Variants in YY1 observed in about 807,000 individuals in gnomAD.
YY1 encodes the protein YY1 transcription factor, also known as transcriptional repressor protein YY1.
Under a neutral mutation model 35.6 loss-of-function variants are expected in YY1, and 2 were observed. That is an observed-to-expected ratio of 0.06 (90% CI 0.02 to 0.18). YY1 has a LOEUF of 0.18. Among genes scored for constraint, YY1 ranks in the 10% least tolerant of loss-of-function variants. YY1 has a pLI of 1.00. For synonymous variants in YY1, 268 were observed against 238.9 expected (o/e 1.12, Z -1.12); for missense variants, 322 against 573.4 (o/e 0.56, Z 4.48).
intron 2 of YY1, among the ~76,000 whole-genome samples, chr14:100,273,793 C>T (rs770125238): frequency 6.6e-6 from 1 of 152,110 alleles, no homozygotes; most frequent in Non-Finnish European, 1.5e-5. Context: ...CTTAATTTCT[C>T]ACCCCCCTAC....
intron 2 of YY1, among the ~76,000 whole-genome samples, chr14:100,269,578 G>C (rs1054594637): frequency 6.6e-6 from 1 of 152,120 alleles, no homozygotes; most frequent in Non-Finnish European, 1.5e-5. Flanking sequence ...CTGTTTACTC[G>C]CAAAATGAAA....
intron 2 of YY1, among the ~76,000 whole-genome samples, chr14:100,271,348 C>T (rs1393940995): frequency 6.6e-6 from 1 of 152,094 alleles, no homozygotes; most frequent in Non-Finnish European, 1.5e-5. Flanking sequence ...ACTGATGTAA[C>T]CTCAAGGTGG....
At chr14:100,253,026 G>A (rs981033550) in intron 1 of YY1, among the ~76,000 whole-genome samples, 1 of 152,182 alleles carries the variant, frequency 6.6e-6, no homozygotes, top group East Asian at 1.9e-4. Flanking sequence ...CTGGACAACA[G>A]AGTGAGACCC....
At chr14:100,256,157 T>G (rs572925073) in intron 1 of YY1, among the ~76,000 whole-genome samples, 2 of 151,472 alleles carry the variant, frequency 1.3e-5, no homozygotes, top group Non-Finnish European at 2.9e-5. Flanking sequence ...AAAAAAAACA[T>G]CTATATGCCA....
rs1187009481 is a variant in YY1, at chr14:100,239,358, C to T, written c.114C>T (p.Thr38=). 1 of 1,604,122 alleles carries T rather than the reference C, an allele frequency of 6.2e-7. No individual in the cohort carries two copies. The highest frequency in any genetic ancestry group is 8.5e-7 in the Non-Finnish European group (1 of 1,175,910). ...CCATCCCGGTGGAGACCATCGAGAC[C>T]ACAGTGGTGGGCGAGGAGGAGGAGG... ...VETIPVETIE[T]TVVGEEEEED... is the part of the protein sequence containing the mutation. Residue 38 remains threonine (T), a synonymous_variant, in exon 1 of 5, where the codon ACC becomes ACT. Transcript: ENST00000262238.
intron 1 of YY1, among the ~76,000 whole-genome samples, chr14:100,257,757 C>T (rs970379820): frequency 6.6e-6 from 1 of 152,202 alleles, no homozygotes; most frequent in African/African-American, 2.4e-5. Context: ...GCCACCTAAT[C>T]TATATTTTTG....
At position 100,282,202 on chromosome 14, in the gene YY1, A is replaced by G. The variant is rs1891445936; in HGVS notation, c.*4602A>G. 6.6e-6 allele frequency: 1 copy of G among 152,232 alleles called. No homozygotes were observed. Among genetic ancestry groups the G allele is most frequent in the East Asian group, 1.9e-4 (1 of 5,178 alleles). The allele number at this position is 152,232 out of a possible 1,614,324, so 9.4% of individuals were successfully genotyped here. A position where few individuals can be genotyped will look rare whatever the true frequency, so the allele number is the denominator to read the frequency against. On this transcript the variant is annotated 3_prime_UTR_variant, in exon 5 of 5. Transcript: ENST00000262238. ...TGGATGTCAGAGGAGGGTGCGTGTG[A>G]TGGCGTCACATTCATCTGAAGCACA...
chr14:100,264,487 A>AT (rs1476804425), intron 2 of YY1, among the ~76,000 whole-genome samples: 1 of 152,110 alleles, frequency 6.6e-6, no homozygotes, highest in African/African-American at 2.4e-5. Context: ...TAGAGTTTTG[A>AT]TAGAGATGGA....
At chr14:100,255,343 G>A (rs1167430210) in intron 1 of YY1, among the ~76,000 whole-genome samples, 2 of 152,136 alleles carry the variant, frequency 1.3e-5, no homozygotes, top group African/African-American at 4.8e-5. Context: ...GGAGGGCCGG[G>A]CACGGTGGCT....
At chr14:100,260,639 ATTT>A (rs1322452722) in intron 1 of YY1, among the ~76,000 whole-genome samples, 2 of 150,924 alleles carry the variant, frequency 1.3e-5, no homozygotes, top group African/African-American at 4.9e-5. Flanking sequence ...CGCCTGGCTA[ATTT>A]TTTGTATTTT....
Position 100,239,721 on chromosome 14 carries a change from C to T in YY1, c.477C>T (p.Ser159=). 1.3e-6 allele frequency: 2 copies of T among 1,591,368 alleles called. No individual in the cohort carries two copies. Among genetic ancestry groups the T allele is most frequent in the African/African-American group, 2.7e-5 (2 of 73,644 alleles). ...TCACCGTGGCGGCGGCCGGCAAGAG[C>T]GGCGGCGGCGGCTCGTCGTCGTCGG... ...TLVTVAAAGK[S]GGGGSSSSGG... Residue 159 remains serine (S), a synonymous_variant, in exon 1 of 5, where the codon AGC becomes AGT. Transcript: ENST00000262238.
intron 1 of YY1, among the ~76,000 whole-genome samples, chr14:100,249,434 A>G (rs1890888783): frequency 6.6e-6 from 1 of 151,948 alleles, no homozygotes. Flanking sequence ...TGTGTAAATT[A>G]ATTCCCCTTC....
chr14:100,248,904 G>A (rs937839445), intron 1 of YY1, among the ~76,000 whole-genome samples: 11 of 151,442 alleles, frequency 7.3e-5, no homozygotes, highest in Non-Finnish European at 1.5e-4. Flanking sequence ...AGCCAGGATG[G>A]TCTTGATCTC....
At chr14:100,249,759 TGTTTG>T (rs1397903666) in intron 1 of YY1, among the ~76,000 whole-genome samples, 3 of 55,022 alleles carry the variant, frequency 5.5e-5, no homozygotes, top group Admixed American at 1.8e-4. Flanking sequence ...TTTTTTTTTT[TGTTTG>T]TTTTTGTTTT....
chr14:100,256,833 A>G (rs1308214663), intron 1 of YY1, among the ~76,000 whole-genome samples: 3 of 151,940 alleles, frequency 2.0e-5, no homozygotes, highest in African/African-American at 4.8e-5. Flanking sequence ...TTAAAATGAG[A>G]AGTATTATGG....
At chr14:100,244,239 T>C (rs967379285) in intron 1 of YY1, among the ~76,000 whole-genome samples, 1 of 151,956 alleles carries the variant, frequency 6.6e-6, no homozygotes, top group South Asian at 2.1e-4. Flanking sequence ...GAATGTAATA[T>C]CAGTATAGGA....
chr14:100,241,111 G>A lies in YY1; in HGVS notation c.679+1188G>A, dbSNP rs116841734. On this transcript the variant is annotated intron_variant, in intron 1 of 4. Transcript: ENST00000262238. ...TATTAATTCAATGCTGGTTTTTTAG[G>A]TCAGTATCCTATTAGTATATTCATA... Among the ~76,000 whole-genome samples, 24 of 152,238 alleles carry A rather than the reference G, an allele frequency of 1.6e-4. No homozygotes were observed. In the East Asian group the frequency reaches 4.2e-3, roughly 27 times the overall value.
At position 100,239,660 on chromosome 14, in the gene YY1, C is replaced by T. The variant is rs755802001; in HGVS notation, c.416C>T (p.Ala139Val). 27 of 1,609,366 alleles carry T rather than the reference C, an allele frequency of 1.7e-5. No homozygotes were observed. The highest frequency in any genetic ancestry group is 2.1e-5 in the Non-Finnish European group (25 of 1,179,498). The change falls in exon 1 of 5, where the codon GCC becomes GTC. Residue 139 changes from alanine (A) to valine (V), a missense_variant. Ala to Val is a moderately conservative substitution (Grantham distance 64). This residue lies in a region of YY1 where 152 missense variants were observed against 167.1 expected (regional missense o/e 0.91). Coordinates refer to ENST00000262238, the MANE Select transcript of YY1 (RefSeq NM_003403.5). ...DQILIPVPAP[A>V]GGDDDYIEQT... is the part of the protein sequence containing the mutation. ...ATTCTCATCCCGGTGCCCGCGCCGG[C>T]CGGCGGCGACGACGACTACATTGAA...
At chr14:100,261,040 T>C (rs1891080208) in intron 1 of YY1, among the ~76,000 whole-genome samples, 1 of 150,592 alleles carries the variant, frequency 6.6e-6, no homozygotes, top group African/African-American at 2.4e-5. Flanking sequence ...TAAGTGATCC[T>C]CCTGTCTTGA....
Sources: allele counts gnomAD v4.1 joint callset (sites outside exome capture counted in the v4.1 genomes callset), GRCh38; gene constraint gnomAD v4.1.1; regional missense constraint gnomAD v4.1.1; transcripts MANE v1.5; gene names NCBI Gene and HGNC (gene_info 2026-07-23, HGNC 2026-07-21).